The following PID1 variants were observed in gnomAD, a reference collection of about 807,000 sequenced individuals.
The protein encoded by PID1 is phosphotyrosine interaction domain containing 1.
Under a neutral mutation model 19.1 loss-of-function variants are expected in PID1, and 10 were observed. The observed-to-expected ratio is 0.52, with a 90% CI of 0.32 to 0.89. The LOEUF (loss-of-function observed/expected upper bound fraction) is 0.89, where lower values mean the gene tolerates loss of function less well. Ranked by LOEUF, PID1 falls within the 40% of genes least tolerant of loss-of-function variation. PID1 has a pLI of 0.03. For missense variants in PID1, 248 were observed against 285.3 expected (o/e 0.87, Z 0.94); for synonymous variants, 130 against 116.0 (o/e 1.12, Z -0.78).
At chr2:229,039,751 G>A (rs74820482) in intron 2 of PID1, among the ~76,000 whole-genome samples, 2,621 of 152,244 alleles carry the variant, frequency 0.017, 88 homozygotes, top group African/African-American at 0.059. Flanking sequence ...TATGGCCCAT[G>A]TTCTGTTAGC....
chr2:229,033,919 G>T (rs1647699043), intron 2 of PID1, among the ~76,000 whole-genome samples: 1 of 152,176 alleles, frequency 6.6e-6, no homozygotes, highest in African/African-American at 2.4e-5. Context: ...ACATTCCAGA[G>T]AAAAGGCAAA....
intron 1 of PID1, among the ~76,000 whole-genome samples, chr2:229,231,292 C>T (rs1348914364): frequency 1.3e-5 from 2 of 152,098 alleles, no homozygotes; most frequent in African/African-American, 2.4e-5. Context: ...ATCCAGTGAA[C>T]TCAAACCCAA....
In PID1 at chr2:229,271,284, C is replaced by A; in HGVS notation, c.-241G>T. 1 of 257,180 alleles carries A rather than the reference C, an allele frequency of 3.9e-6. No individual in the cohort carries two copies. The highest frequency in any genetic ancestry group is 7.3e-6 in the Non-Finnish European group (1 of 136,894). The allele number at this position is 257,180 out of a possible 1,614,324, so 15.9% of individuals were successfully genotyped here. A position where few individuals can be genotyped will look rare whatever the true frequency, so the allele number is the denominator to read the frequency against. On this transcript the variant is annotated 5_prime_UTR_variant, in exon 1 of 3. Transcript: ENST00000392055. ...CTGTCCTGGCGCAGCTGCGAGAGGACTGCGCAGCTCCGCCCGGGCCCGGCG... is the reference window on the plus strand; with the variant it reads ...CTGTCCTGGCGCAGCTGCGAGAGGAATGCGCAGCTCCGCCCGGGCCCGGCG...
Position 229,047,589 on chromosome 2 carries a change from A to C in PID1, c.178-21481T>G, listed in dbSNP as rs147844832. Reference sequence around the variant, plus strand: ...TCCAAAATATAAAGATAATAATAACATTTAGCATTTATTGAGTGCTATTAG... The same window carrying C: ...TCCAAAATATAAAGATAATAATAACCTTTAGCATTTATTGAGTGCTATTAG... On this transcript the variant is annotated intron_variant, in intron 2 of 2. Coordinates refer to ENST00000392055, the MANE Select transcript of PID1 (RefSeq NM_001100818.2). Among the ~76,000 whole-genome samples the C allele has an allele frequency of 5.2e-3, 789 of 152,352 alleles. 8 individuals carry two copies. Among genetic ancestry groups the C allele is most frequent in the African/African-American group, 0.019 (771 of 41,572 alleles).
At chr2:229,220,099 A>G (rs143060549) in intron 1 of PID1, among the ~76,000 whole-genome samples, 3 of 151,368 alleles carry the variant, frequency 2.0e-5, no homozygotes, top group African/African-American at 7.3e-5. Context: ...GGCTCACTGC[A>G]GTCTCGATCT....
chr2:229,215,240 G>C lies in PID1; in HGVS notation c.30+55774C>G, dbSNP rs542557594. Among the ~76,000 whole-genome samples the C allele has an allele frequency of 6.6e-5, 10 of 152,310 alleles. No individual in the cohort carries two copies. In the South Asian group the frequency reaches 2.1e-3, roughly 32 times the overall value. ...TGTTATATTTTACAGTTTATTAACTGAATGAGGCTGAACACTTTTATGCAT... is the reference window on the plus strand; with the variant it reads ...TGTTATATTTTACAGTTTATTAACTCAATGAGGCTGAACACTTTTATGCAT... On this transcript the variant is annotated intron_variant, in intron 1 of 2. Transcript: ENST00000392055.
intron 1 of PID1, among the ~76,000 whole-genome samples, chr2:229,158,883 T>C (rs1163431345): frequency 6.6e-6 from 1 of 151,300 alleles, no homozygotes; most frequent in Non-Finnish European, 1.5e-5. Flanking sequence ...ATAAAAACAA[T>C]TGAACTCATG....
At chr2:229,097,633 T>C (rs1360419947) in intron 2 of PID1, among the ~76,000 whole-genome samples, 1 of 152,154 alleles carries the variant, frequency 6.6e-6, no homozygotes, top group Non-Finnish European at 1.5e-5. Flanking sequence ...TGAAGCATAA[T>C]TAGGAATAGT....
intron 2 of PID1, among the ~76,000 whole-genome samples, chr2:229,131,961 C>A (rs72973226): frequency 0.069 from 10,521 of 152,154 alleles, 541 homozygotes; most frequent in South Asian, 0.22. Context: ...CTCTCTAGAG[C>A]AGGATTAAGC....
Position 229,129,830 on chromosome 2 carries a change from C to T in PID1, c.177+25988G>A, listed in dbSNP as rs534340182. Among the ~76,000 whole-genome samples the T allele has an allele frequency of 2.2e-3, 342 of 152,246 alleles. 4 individuals are homozygous for T. Among genetic ancestry groups the T allele is most frequent in the African/African-American group, 7.6e-3 (315 of 41,560 alleles). On this transcript the variant is annotated intron_variant, in intron 2 of 2. Transcript: ENST00000392055. ...GAGCTAACAAGGGAGGTGGCTCCTC[C>T]GGAGACTAGCACCCACGGCTTCTAG...
chr2:229,188,465 T>C (rs972687549), intron 1 of PID1, among the ~76,000 whole-genome samples: 1 of 151,502 alleles, frequency 6.6e-6, no homozygotes, highest in Admixed American at 6.6e-5. Context: ...AGGCCAGGAG[T>C]GGTAGCTCAC....
chr2:229,115,705 G>C (rs11886495), intron 2 of PID1, among the ~76,000 whole-genome samples: 102,692 of 151,934 alleles, frequency 0.68, 35,016 homozygotes, highest in East Asian at 0.75. Flanking sequence ...TTACAATACT[G>C]ACACACCAGG....
intron 2 of PID1, among the ~76,000 whole-genome samples, chr2:229,146,216 T>C (rs747663680): frequency 1.2e-4 from 19 of 152,114 alleles, no homozygotes; most frequent in Non-Finnish European, 2.4e-4. Flanking sequence ...CTATTGTATA[T>C]AGTGCTGCAA....
chr2:229,041,581 A>C (rs1693771520), intron 2 of PID1, among the ~76,000 whole-genome samples: 1 of 152,228 alleles, frequency 6.6e-6, no homozygotes, highest in Non-Finnish European at 1.5e-5. Context: ...TGGATGCTAA[A>C]ATTTGGGACT....
chr2:229,109,103 G>T (rs1370954090), intron 2 of PID1, among the ~76,000 whole-genome samples: 1 of 152,110 alleles, frequency 6.6e-6, no homozygotes, highest in African/African-American at 2.4e-5. Context: ...AGACTTTTAG[G>T]TGATTACATA....
chr2:229,253,603 A>T (rs1277288974), intron 1 of PID1, among the ~76,000 whole-genome samples: 1 of 152,086 alleles, frequency 6.6e-6, no homozygotes, highest in East Asian at 1.9e-4. Flanking sequence ...AAAAAAAAAA[A>T]AAAAAAATTG....
At chr2:229,198,318 T>C (rs1366635444) in intron 1 of PID1, among the ~76,000 whole-genome samples, 1 of 152,190 alleles carries the variant, frequency 6.6e-6, no homozygotes, top group South Asian at 2.1e-4. Flanking sequence ...TCTCAACATC[T>C]ACCCTCAGAA....
intron 2 of PID1, among the ~76,000 whole-genome samples, chr2:229,142,788 C>A (rs1026308508): frequency 1.3e-5 from 2 of 151,974 alleles, no homozygotes; most frequent in Non-Finnish European, 2.9e-5. Flanking sequence ...GTCAGTATGG[C>A]GATTCCTCAG....
chr2:229,024,767 T>C lies in PID1; in HGVS notation c.*865A>G, dbSNP rs3771286. The C allele has an allele frequency of 0.44, 66,431 of 152,394 alleles. 14,634 individuals carry two copies. The highest frequency in any genetic ancestry group is 0.51 in the East Asian group (2,610 of 5,150). 9.4% of individuals were successfully genotyped at this position (152,394 alleles called of 1,614,324 possible). On this transcript the variant is annotated 3_prime_UTR_variant, in exon 3 of 3. Transcript: ENST00000392055. ...AGAGTGTGTTCACTTGCTGATCACT[T>C]ATTCCTCTTTGCCAAGGCTTCTGTT...
Sources: allele counts gnomAD v4.1 joint callset (sites outside exome capture counted in the v4.1 genomes callset), GRCh38; gene constraint gnomAD v4.1.1; transcripts MANE v1.5; gene names NCBI Gene and HGNC (gene_info 2026-07-23, HGNC 2026-07-21).